The following EXOSC4 variants were observed in gnomAD, a reference collection of about 807,000 sequenced individuals.
EXOSC4 encodes exosome complex component RRP41.
In EXOSC4, 14 loss-of-function variants were observed where a neutral mutation model predicts 20.0. The observed-to-expected ratio is 0.70, with a 90% CI of 0.46 to 1.09. The LOEUF (loss-of-function observed/expected upper bound fraction) is 1.09. Among genes scored for constraint, EXOSC4 ranks in the 50% least tolerant of loss-of-function variants. The pLI, the probability that EXOSC4 is intolerant of heterozygous loss-of-function variation, is 0.00. For missense variants in EXOSC4, 337 were observed against 334.0 expected (o/e 1.01, Z -0.07); for synonymous variants, 148 against 146.4 (o/e 1.01, Z -0.08).
chr8:144,064,113 C>T, the EXOSC4 span: 1 of 152,572 alleles, frequency 6.6e-6, no homozygotes, highest in African/African-American at 2.4e-5. Context: ...GACCTCTGAC[C>T]TCCAGCCCCC....
the EXOSC4 span, among the ~76,000 whole-genome samples, chr8:144,067,921 G>A: frequency 4.1e-4 from 63 of 152,318 alleles, no homozygotes; most frequent in Middle Eastern, 3.4e-3. Context: ...CCGGAGAATC[G>A]CTTGAACCCA....
the EXOSC4 span, among the ~76,000 whole-genome samples, chr8:144,068,374 T>C: frequency 7.9e-4 from 120 of 152,302 alleles, no homozygotes; most frequent in Non-Finnish European, 1.2e-3. Context: ...AAGCTCTCCT[T>C]TCCAAATGTA....
upstream of EXOSC4, chr8:144,078,506 G>A: frequency 2.4e-6 from 1 of 414,000 alleles, no homozygotes; most frequent in Non-Finnish European, 4.2e-6. This position sits in a 1 kb window ranked among gnomAD's most constrained non-coding sequence, Gnocchi z 4.7. Flanking sequence ...GGGAGGTCGG[G>A]GCCGCGGTGA....
the EXOSC4 span, among the ~76,000 whole-genome samples, chr8:144,068,747 C>T: frequency 6.6e-6 from 1 of 152,242 alleles, no homozygotes; most frequent in Admixed American, 6.5e-5. Context: ...AAAAGCTCTA[C>T]TCCAGGAGGT....
At chr8:144,075,337 C>T (rs1272534651), upstream of EXOSC4, among the ~76,000 whole-genome samples, 1 of 152,112 alleles carries the variant, frequency 6.6e-6, no homozygotes, top group Non-Finnish European at 1.5e-5. Context: ...CGCCATTCTC[C>T]TGCCTCAGCC....
chr8:144,073,646 T>C, the EXOSC4 span, among the ~76,000 whole-genome samples: 226 of 151,686 alleles, frequency 1.5e-3, 2 homozygotes, highest in East Asian at 0.039. Context: ...AGGTCAGGAG[T>C]TTGAGGCCAG....
chr8:144,071,632 G>A, the EXOSC4 span, among the ~76,000 whole-genome samples: 1 of 151,228 alleles, frequency 6.6e-6, no homozygotes. Flanking sequence ...GATGAGACAT[G>A]CAAAGAAAGA....
chr8:144,076,893 C>G (rs1835840205), upstream of EXOSC4, among the ~76,000 whole-genome samples: 1 of 150,542 alleles, frequency 6.6e-6, no homozygotes, highest in Non-Finnish European at 1.5e-5. Flanking sequence ...TGGTGAAACC[C>G]CATCTCTACT....
the EXOSC4 span, among the ~76,000 whole-genome samples, chr8:144,064,256 G>A: frequency 6.6e-6 from 1 of 152,230 alleles, no homozygotes; most frequent in African/African-American, 2.4e-5. Context: ...AGGGATATGG[G>A]ATGCAGGCTT....
the EXOSC4 span, among the ~76,000 whole-genome samples, chr8:144,067,604 G>A: frequency 6.6e-6 from 1 of 152,222 alleles, no homozygotes; most frequent in African/African-American, 2.4e-5. Context: ...AAGCAGTGGA[G>A]ACCAGAAGAC....
the EXOSC4 span, among the ~76,000 whole-genome samples, chr8:144,071,117 A>G: frequency 3.4e-3 from 517 of 151,142 alleles, 1 homozygote; most frequent in African/African-American, 0.012. Context: ...GCCAATCCTA[A>G]CCCAAAGTTG....
chr8:144,080,647 C>A lies in EXOSC4; in HGVS notation c.*46C>A, dbSNP rs765969412. ...AGAATAAAACCCTCCTCTGCCCACA[C>A]ACCCCTCACTGTACGTTATCACCTA... On this transcript the variant is annotated 3_prime_UTR_variant, in exon 3 of 3. Coordinates refer to ENST00000316052, the MANE Select transcript of EXOSC4 (RefSeq NM_019037.3). This position sits in a 1 kb window ranked among gnomAD's most constrained non-coding sequence, Gnocchi z 4.9. 8 of 1,572,844 alleles carry A rather than the reference C, an allele frequency of 5.1e-6. No homozygotes were observed. The highest frequency in any genetic ancestry group is 6.0e-6 in the Non-Finnish European group (7 of 1,165,676).
At position 144,080,014 on chromosome 8, in the gene EXOSC4, C is replaced by T. The variant is rs367844132; in HGVS notation, c.243C>T (p.Phe81=). 6 of 1,613,978 alleles carry T rather than the reference C, an allele frequency of 3.7e-6. No individual in the cohort carries two copies. The highest frequency in any genetic ancestry group is 2.7e-5 in the African/African-American group (2 of 74,934). ...LVNCQYSSAT[F]STGERKRRPH... ...ACTGTCAATATAGTTCAGCGACCTT[C>T]AGCACAGGTGAGCGCAAGCGACGGC... The change falls in exon 2 of 3, where the codon TTC becomes TTT. Residue 81 remains phenylalanine, a synonymous_variant. Coordinates refer to ENST00000316052, the MANE Select transcript of EXOSC4 (RefSeq NM_019037.3). The surrounding 1 kb of genome is among the most constrained non-coding windows in gnomAD (Gnocchi z 4.9).
upstream of EXOSC4, among the ~76,000 whole-genome samples, chr8:144,077,502 A>G (rs1298669196): frequency 6.6e-6 from 1 of 152,146 alleles, no homozygotes; most frequent in Admixed American, 6.5e-5. Context: ...ACCACCTTGG[A>G]GGGGATGCTG....
upstream of EXOSC4, among the ~76,000 whole-genome samples, chr8:144,074,086 A>G (rs370780462): frequency 3.3e-5 from 5 of 152,188 alleles, no homozygotes; most frequent in Non-Finnish European, 5.9e-5. Context: ...CAGGCTCACC[A>G]GGAATCTCGG....
the EXOSC4 span, among the ~76,000 whole-genome samples, chr8:144,071,700 G>T: frequency 6.6e-6 from 1 of 152,022 alleles, no homozygotes; most frequent in African/African-American, 2.4e-5. Flanking sequence ...ATATTGGTCA[G>T]GTGTGGTGGC....
intron 1 of EXOSC4, chr8:144,079,692 A>T (rs933131505): frequency 1.4e-5 from 9 of 665,080 alleles, no homozygotes; most frequent in Admixed American, 8.2e-5. Context: ...GGTGAGACAG[A>T]AGCAGCGTTG....
chr8:144,064,085 C>T, the EXOSC4 span: 19 of 152,546 alleles, frequency 1.2e-4, no homozygotes, highest in African/African-American at 4.3e-4. Flanking sequence ...TCCAACCACC[C>T]CGTGGCAGAG....
the EXOSC4 span, among the ~76,000 whole-genome samples, chr8:144,069,842 T>C: frequency 1.3e-5 from 2 of 152,116 alleles, no homozygotes; most frequent in South Asian, 2.1e-4. Context: ...AGCATGGGGG[T>C]TCCCCCAAGG....
Sources: gnomAD v4.1 joint callset for allele counts (sites outside exome capture counted in the v4.1 genomes callset) on GRCh38, gnomAD v4.1.1 for gene constraint, Gnocchi (gnomAD v3.1) non-coding constraint, MANE v1.5 for transcripts, NCBI Gene and HGNC (gene_info 2026-07-23, HGNC 2026-07-21) for gene names.